The following LRP1B variants were observed in gnomAD, a reference collection of about 807,000 sequenced individuals.
The protein encoded by LRP1B is low-density lipoprotein receptor-related protein 1B.
Under a neutral mutation model 556.6 loss-of-function variants are expected in LRP1B, and 217 were observed. That is an observed-to-expected ratio of 0.39 (90% CI 0.35 to 0.44). The LOEUF (loss-of-function observed/expected upper bound fraction) is 0.44. Ranked by LOEUF, LRP1B falls within the 20% of genes least tolerant of loss-of-function variation. The probability of loss-of-function intolerance (pLI) is 1.00; values close to 1 mark genes in which losing one functional copy is unlikely to be tolerated. For missense variants in LRP1B, 5,053 were observed against 5,620.8 expected (o/e 0.90, Z 3.23); for synonymous variants, 2,047 against 1,865.8 (o/e 1.10, Z -2.50).
intron 1 of LRP1B, among the ~76,000 whole-genome samples, chr2:141,944,513 T>C (rs1700901040): frequency 6.6e-6 from 1 of 152,164 alleles, no homozygotes; most frequent in South Asian, 2.1e-4. Flanking sequence ...AAGGAATGCT[T>C]TGAGACCCTT....
Position 142,130,654 on chromosome 2 carries a change from C to G in LRP1B, c.76G>C (p.Asp26His). Residue 26 changes from aspartate (D) to histidine (H), a missense_variant, in exon 1 of 91, where the codon GAC (aspartate) becomes CAC (histidine). Asp to His is a moderately conservative substitution (Grantham distance 81). This residue lies in a region of LRP1B where 3,619 missense variants were observed against 3,931.9 expected (regional missense o/e 0.92). Transcript: ENST00000389484. The part of the protein sequence containing the change: ...PIARVLTVGA[D>H]RDQQLCDPGE... The stretch of plus-strand genomic sequence containing the variant: ...GGGGAGGTGTTCTCCTTACCTCGGT[C>G]GGCTCCCACGGTCAGCACCCTGGCA... The G allele has an allele frequency of 6.2e-7, 1 of 1,610,970 alleles. No individual in the cohort carries two copies. The highest frequency in any genetic ancestry group is 8.5e-7 in the Non-Finnish European group (1 of 1,178,172).
At chr2:141,792,167 A>G (rs1254006147) in intron 2 of LRP1B, among the ~76,000 whole-genome samples, 1 of 151,954 alleles carries the variant, frequency 6.6e-6, no homozygotes, top group African/African-American at 2.4e-5. Flanking sequence ...TACAACATAA[A>G]TGCAACATAG....
At chr2:140,416,123 C>T (rs1205854372) in intron 66 of LRP1B, among the ~76,000 whole-genome samples, 3 of 152,148 alleles carry the variant, frequency 2.0e-5, no homozygotes, top group Admixed American at 1.3e-4. Context: ...AATGGCTACC[C>T]ATTGCTCACG....
intron 66 of LRP1B, among the ~76,000 whole-genome samples, chr2:140,428,415 C>T (rs535681804): frequency 6.6e-6 from 1 of 152,312 alleles, no homozygotes; most frequent in African/African-American, 2.4e-5. Context: ...GAGCTTGCTA[C>T]AAGTGCCAGA....
At chr2:140,394,359 A>T (rs556084185) in intron 66 of LRP1B, among the ~76,000 whole-genome samples, 1 of 152,158 alleles carries the variant, frequency 6.6e-6, no homozygotes, top group Admixed American at 6.6e-5. Flanking sequence ...TACTGCTGAA[A>T]TGTGATCAAT....
chr2:140,796,224 G>A (rs1009329603), intron 32 of LRP1B, among the ~76,000 whole-genome samples: 1 of 151,930 alleles, frequency 6.6e-6, no homozygotes, highest in Non-Finnish European at 1.5e-5. Flanking sequence ...ACTATTTAAT[G>A]CTTTTAAGTA....
intron 32 of LRP1B, among the ~76,000 whole-genome samples, chr2:140,801,505 T>C (rs1355930663): frequency 6.6e-6 from 1 of 151,892 alleles, no homozygotes; most frequent in African/African-American, 2.4e-5. Flanking sequence ...CTCTTCCTTA[T>C]GGTAAAACAG....
At chr2:141,243,699 A>C (rs1683964435) in intron 5 of LRP1B, among the ~76,000 whole-genome samples, 1 of 152,212 alleles carries the variant, frequency 6.6e-6, no homozygotes, top group South Asian at 2.1e-4. Context: ...ACATAGTATC[A>C]AGTATTAAAT....
chr2:140,955,413 C>T (rs1187761717), intron 18 of LRP1B, among the ~76,000 whole-genome samples: 3 of 151,698 alleles, frequency 2.0e-5, no homozygotes, highest in Non-Finnish European at 4.4e-5. Flanking sequence ...TATTTCTTGA[C>T]TTTGCATAAA....
intron 6 of LRP1B, among the ~76,000 whole-genome samples, chr2:141,191,120 C>G (rs1681484317): frequency 6.6e-6 from 1 of 151,920 alleles, no homozygotes; most frequent in African/African-American, 2.4e-5. Flanking sequence ...CTATCATGTT[C>G]TCTCCATAAC....
intron 23 of LRP1B, chr2:140,898,965 C>T (rs1317189021): frequency 2.6e-6 from 1 of 380,152 alleles, no homozygotes; most frequent in Non-Finnish European, 5.2e-6. Flanking sequence ...AAATTCTTCA[C>T]CTGGAAGAGA....
At chr2:140,527,594 A>G (rs547006546) in intron 47 of LRP1B, among the ~76,000 whole-genome samples, 1 of 152,008 alleles carries the variant, frequency 6.6e-6, no homozygotes, top group South Asian at 2.1e-4. Flanking sequence ...TAATTGCTTC[A>G]CTTTTTTATT....
At chr2:140,950,188 G>A (rs776149073) in intron 20 of LRP1B, 47 bp downstream of exon 20, 26 of 1,332,012 alleles carry the variant, frequency 2.0e-5, no homozygotes, top group Non-Finnish European at 2.5e-5. Context: ...GTATTATTAT[G>A]CATCAACTTT....
chr2:141,937,013 C>G (rs957889286), intron 1 of LRP1B, among the ~76,000 whole-genome samples: 2 of 151,228 alleles, frequency 1.3e-5, no homozygotes, highest in Non-Finnish European at 2.9e-5. Context: ...TGCATGTATT[C>G]ACTTAATTCA....
intron 2 of LRP1B, among the ~76,000 whole-genome samples, chr2:141,501,750 T>C (rs951839932): frequency 2.0e-5 from 3 of 152,164 alleles, no homozygotes; most frequent in African/African-American, 4.8e-5. Context: ...ATTGTAGAGA[T>C]TGACATAGAA....
At chr2:140,640,683 C>T (rs949736448) in intron 41 of LRP1B, among the ~76,000 whole-genome samples, 1 of 151,978 alleles carries the variant, frequency 6.6e-6, no homozygotes, top group Non-Finnish European at 1.5e-5. Flanking sequence ...GCACCTGGCT[C>T]CCTTGTCCTA....
chr2:141,443,009 C>T (rs1681043198), intron 3 of LRP1B, among the ~76,000 whole-genome samples: 1 of 152,218 alleles, frequency 6.6e-6, no homozygotes, highest in East Asian at 1.9e-4. Context: ...GACACGCTGT[C>T]TCTTCCACAA....
intron 1 of LRP1B, among the ~76,000 whole-genome samples, chr2:141,979,290 C>T (rs1199401798): frequency 6.6e-6 from 1 of 151,948 alleles, no homozygotes; most frequent in East Asian, 1.9e-4. Flanking sequence ...AAACTATCTC[C>T]CAAATATGAA....
chr2:140,644,576 C>A (rs1433566506), intron 41 of LRP1B, among the ~76,000 whole-genome samples: 1 of 151,598 alleles, frequency 6.6e-6, no homozygotes, highest in Non-Finnish European at 1.5e-5. Context: ...TTTTGCATTT[C>A]TTTTATTTTT....
Sources: allele counts gnomAD v4.1 joint callset (sites outside exome capture counted in the v4.1 genomes callset), GRCh38; gene constraint gnomAD v4.1.1; regional missense constraint gnomAD v4.1.1; transcripts MANE v1.5; gene names NCBI Gene and HGNC (gene_info 2026-07-23, HGNC 2026-07-21).